Variants in PCDHA3 observed in about 807,000 individuals in gnomAD.
PCDHA3 encodes the protein protocadherin alpha-3.
A neutral mutation model predicts 62.2 loss-of-function variants in PCDHA3; 41 were observed. That is an observed-to-expected ratio of 0.66 (90% CI 0.51 to 0.86). PCDHA3 has a LOEUF of 0.86. Among genes scored for constraint, PCDHA3 ranks in the 40% least tolerant of loss-of-function variants. PCDHA3 has a pLI of 0.00. For missense variants in PCDHA3, 1,304 were observed against 1,241.2 expected (o/e 1.05, Z -0.76); for synonymous variants, 640 against 555.4 (o/e 1.15, Z -2.14).
At chr5:140,912,939 T>C (rs1372074826) in intron 1 of PCDHA3, among the ~76,000 whole-genome samples, 1 of 152,230 alleles carries the variant, frequency 6.6e-6, no homozygotes, top group Middle Eastern at 3.2e-3. Context: ...CATCCTTGTA[T>C]CCCTGGGATA....
In PCDHA3 at chr5:140,856,671, AGTT is replaced by A. The variant is rs781932565; in HGVS notation, c.2394+53088_2394+53090del. 8 of 1,597,880 alleles carry A rather than the reference AGTT, an allele frequency of 5.0e-6. 1 individual carries two copies. The highest frequency in any genetic ancestry group is 4.5e-5 in the East Asian group (2 of 44,874). The stretch of plus-strand genomic sequence containing the variant: ...GATCGTGAAGAAAATCCTCAGCTAA[AGTT>A]GTTGTTGACAGCAACTGATGGAGGC... On this transcript the variant is annotated intron_variant, in intron 1 of 3. Transcript: ENST00000522353.
chr5:140,851,723 G>A lies in PCDHA3; in HGVS notation c.2394+48132G>A, dbSNP rs1581264682. 7 of 966,358 alleles carry A rather than the reference G, an allele frequency of 7.2e-6. 1 individual carries two copies. In the South Asian group the frequency reaches 1.4e-4, roughly 20 times the overall value. 59.9% of individuals were successfully genotyped at this position (966,358 alleles called of 1,614,324 possible). A position where few individuals can be genotyped will look rare whatever the true frequency, so the allele number is the denominator to read the frequency against. ...CAGCCATGTGAAGATTCGAAACTTC[G>A]AGTTCTTTTGAAATTCAGAGTCTGT... On this transcript the variant is annotated intron_variant, in intron 1 of 3. Transcript: ENST00000522353.
At position 140,801,557 on chromosome 5, in the gene PCDHA3, G is replaced by T; in HGVS notation, c.360G>T (p.Glu120Asp). The change falls in exon 1 of 4, where the codon GAG (glutamate) becomes GAT (aspartate). Residue 120 changes from glutamate (E) to aspartate (D), a missense_variant. Glu to Asp is a conservative substitution (Grantham distance 45). Transcript: ENST00000522353. ...GGCCGCTGCAGGTTTTCCATGTGGA[G>T]GTGGAAGTGAAGGACATTAATGACA... is the stretch of plus-strand genomic sequence containing the variant. ...VDRPLQVFHV[E>D]VEVKDINDNA... 6.2e-7 allele frequency: 1 copy of T among 1,614,242 alleles called. No individual in the cohort carries two copies. The highest frequency in any genetic ancestry group is 8.5e-7 in the Non-Finnish European group (1 of 1,180,042).
At chr5:140,836,422 C>T in intron 1 of PCDHA3, 1 of 1,613,788 alleles carries the variant, frequency 6.2e-7, no homozygotes, top group South Asian at 1.1e-5. Context: ...AAGGCGTCGT[C>T]GCGGGCATCG....
In PCDHA3 at chr5:140,858,601, A is replaced by G. The variant is rs7341057; in HGVS notation, c.2394+55010A>G. On this transcript the variant is annotated intron_variant, in intron 1 of 3. Transcript: ENST00000522353. ...TAATATAATTTATTCCAGGAGTTTT[A>G]AAATTTTTTTATCCTACCCAGTGTG... 747 of 1,295,358 alleles carry G rather than the reference A, an allele frequency of 5.8e-4. 36 individuals carry two copies. The African/African-American group carries it at 0.01, about 18-fold the overall frequency. 80.2% of individuals were successfully genotyped at this position (1,295,358 alleles called of 1,614,324 possible).
chr5:140,965,031 T>C (rs1211247687), intron 1 of PCDHA3, among the ~76,000 whole-genome samples: 3 of 152,208 alleles, frequency 2.0e-5, no homozygotes, highest in African/African-American at 7.2e-5. Flanking sequence ...CTCCTTTAAC[T>C]GTCCGCTCTA....
intron 1 of PCDHA3, chr5:140,823,708 C>A: frequency 6.2e-7 from 1 of 1,613,946 alleles, no homozygotes; most frequent in Non-Finnish European, 8.5e-7. Context: ...ACCGCGCCAC[C>A]GCCTTCTGGT....
rs781834713 is a variant in PCDHA3 at position 140,801,635 on chromosome 5, A to C, written c.438A>C (p.Arg146=). Residue 146 remains arginine, a synonymous_variant, in exon 1 of 4, where the codon CGA becomes CGC. Transcript: ENST00000522353. The part of the protein sequence containing the change: ...AVKNLFISES[R]QPGSRFSLEG... ...AGAATCTGTTTATTTCCGAATCCCG[A>C]CAGCCTGGCTCTCGGTTTTCGCTAG... 7.4e-6 allele frequency: 12 copies of C among 1,614,064 alleles called. No individual in the cohort carries two copies. Among genetic ancestry groups the C allele is most frequent in the Non-Finnish European group, 9.3e-6 (11 of 1,180,044 alleles).
At chr5:140,900,667 G>A (rs557447526) in intron 1 of PCDHA3, among the ~76,000 whole-genome samples, 12 of 152,222 alleles carry the variant, frequency 7.9e-5, no homozygotes, top group Non-Finnish European at 1.6e-4. Flanking sequence ...CAATGGGAGT[G>A]CAGTTATCTC....
intron 1 of PCDHA3, among the ~76,000 whole-genome samples, chr5:140,833,741 C>T (rs1772605198): frequency 8.1e-6 from 1 of 122,760 alleles, no homozygotes; most frequent in African/African-American, 3.1e-5. Context: ...TTCTTGCCTC[C>T]TAAAAAGAAA....
intron 1 of PCDHA3, among the ~76,000 whole-genome samples, chr5:140,838,656 C>T (rs2150290974): frequency 1.1e-4 from 17 of 151,972 alleles, no homozygotes; most frequent in Admixed American, 2.0e-4. Context: ...TGATAGTTAA[C>T]GGGGCATGGT....
chr5:140,841,394 A>G (rs2150314638), intron 1 of PCDHA3: 1 of 1,613,274 alleles, frequency 6.2e-7, no homozygotes, highest in East Asian at 2.2e-5. Context: ...CGCAGCCTGG[A>G]AGGTGGGGAG....
chr5:140,981,787 T>C (rs2096951436), intron 2 of PCDHA3, among the ~76,000 whole-genome samples: 1 of 152,116 alleles, frequency 6.6e-6, no homozygotes, highest in Non-Finnish European at 1.5e-5. Flanking sequence ...CCATGTTCTC[T>C]TTTCCCTTGA....
chr5:140,829,431 A>C, intron 1 of PCDHA3: 3 of 1,614,098 alleles, frequency 1.9e-6, no homozygotes, highest in Non-Finnish European at 2.5e-6. Context: ...GAGGTGGCCG[A>C]CATGAATGAC....
chr5:140,849,583 C>T (rs2040974619), intron 1 of PCDHA3: 4 of 1,598,684 alleles, frequency 2.5e-6, no homozygotes, highest in Non-Finnish European at 3.4e-6. Flanking sequence ...AAAGAGGACG[C>T]ACAACTGGGG....
At chr5:140,852,795 A>C in intron 1 of PCDHA3, 1 of 977,366 alleles carries the variant, frequency 1.0e-6, no homozygotes, top group African/African-American at 1.8e-5. Context: ...GATGCTACAG[A>C]TGTCATTTGT....
rs2150279468 is a variant in PCDHA3, at chr5:140,851,877, A to C, written c.2394+48286A>C. On this transcript the variant is annotated intron_variant, in intron 1 of 3. Coordinates refer to ENST00000522353, the MANE Select transcript of PCDHA3 (RefSeq NM_018906.3). Reference sequence around the variant, plus strand: ...CAGCTCATACATAACACAAGGCAGAAATCTGGATATGAGATTTGCCTCTTT... The same window carrying C: ...CAGCTCATACATAACACAAGGCAGACATCTGGATATGAGATTTGCCTCTTT... 2.0e-6 allele frequency: 2 copies of C among 977,786 alleles called. 1 individual carries two copies. The highest frequency in any genetic ancestry group is 3.5e-5 in the African/African-American group (2 of 56,674). The allele number at this position is 977,786 out of a possible 1,614,324, so 60.6% of individuals were successfully genotyped here.
intron 1 of PCDHA3, among the ~76,000 whole-genome samples, chr5:140,846,211 C>T (rs1393164051): frequency 6.7e-6 from 1 of 149,252 alleles, no homozygotes; most frequent in Non-Finnish European, 1.5e-5. Flanking sequence ...GAGATCTTTC[C>T]ATTAATAGTA....
chr5:140,926,592 C>A, intron 1 of PCDHA3: 1 of 298,858 alleles, frequency 3.3e-6, no homozygotes, highest in Non-Finnish European at 6.1e-6. Context: ...CGCGCCCGGG[C>A]GGGCGGCCTC....
Sources: allele counts gnomAD v4.1 joint callset (sites outside exome capture counted in the v4.1 genomes callset), GRCh38; gene constraint gnomAD v4.1.1; transcripts MANE v1.5; gene names NCBI Gene and HGNC (gene_info 2026-07-23, HGNC 2026-07-21).